PHF20L1: variants seen among roughly 807,000 people sequenced by gnomAD.
PHF20L1 encodes the protein PHD finger protein 20-like protein 1.
Under a neutral mutation model 125.5 loss-of-function variants are expected in PHF20L1, and 44 were observed. The ratio of observed to expected loss-of-function variants is 0.35; its 90% CI spans 0.28 to 0.45. PHF20L1 has a LOEUF of 0.45. Among genes scored for constraint, PHF20L1 ranks in the 20% least tolerant of loss-of-function variants. PHF20L1 has a pLI of 1.00. For missense variants in PHF20L1, 1,012 were observed against 1,217.2 expected, an observed-to-expected ratio of 0.83 and a Z score of 2.51; for synonymous variants, 380 against 403.1, an observed-to-expected ratio of 0.94 and a Z score of 0.69.
At chr8:132,782,784 TTGG>T (rs1159107232) in intron 2 of PHF20L1, among the ~76,000 whole-genome samples, 1 of 151,750 alleles carries the variant, frequency 6.6e-6, no homozygotes, top group Non-Finnish European at 1.5e-5. Context: ...TTTTTTTTTT[TTGG>T]TAGAGAAAGC....
rs764611843 is a variant in PHF20L1 at position 132,817,519 on chromosome 8, A to T, written c.1553A>T (p.Asp518Val). Reference protein sequence around the residue: ...LPNPSSKAIADGRGAPAAAGI... With the variant: ...LPNPSSKAIAVGRGAPAAAGI... ...AATCCTTCTTCCAAAGCAATAGCTG[A>T]TGGAAGAGGAGCTCCAGCAGCAGCA... The change falls in exon 12 of 21, where the codon GAT becomes GTT. Residue 518 changes from aspartate to valine, a missense_variant. Asp to Val is a radical substitution (Grantham distance 152, BLOSUM62 -3). Around this residue, in one of 7 missense-constraint regions of PHF20L1, gnomAD observed 320 missense variants for 293.8 expected, o/e 1.09. Transcript: ENST00000395386. The T allele has an allele frequency of 6.2e-7, 1 of 1,611,718 alleles. No homozygotes were observed. The highest frequency in any genetic ancestry group is 1.7e-5 in the Admixed American group (1 of 59,736).
At position 132,840,439 on chromosome 8, in the gene PHF20L1, A is replaced by G. The variant is rs16904750; in HGVS notation, c.2387+857A>G. Among the ~76,000 whole-genome samples the G allele has an allele frequency of 9.0e-3, 1,374 of 152,212 alleles. 40 individuals are homozygous for G. Among genetic ancestry groups the G allele is most frequent in the East Asian group, 0.087 (452 of 5,176 alleles). Reference sequence around the variant, plus strand: ...CTCTGTGGGTCCAGCCTTGTACTCTATCAGTTCATTCTTTGTACTGCTGCC... The same window carrying G: ...CTCTGTGGGTCCAGCCTTGTACTCTGTCAGTTCATTCTTTGTACTGCTGCC... On this transcript the variant is annotated intron_variant, in intron 18 of 20. Coordinates refer to ENST00000395386, the MANE Select transcript of PHF20L1 (RefSeq NM_016018.5).
chr8:132,799,971 T>G (rs1296323785), intron 6 of PHF20L1: 1 of 151,842 alleles, frequency 6.6e-6, no homozygotes, highest in Non-Finnish European at 1.5e-5. Flanking sequence ...GTGGTGTGAT[T>G]TCTTGGTTAC....
intron 6 of PHF20L1, among the ~76,000 whole-genome samples, chr8:132,802,095 T>C (rs1487530937): frequency 6.6e-6 from 1 of 151,632 alleles, no homozygotes; most frequent in African/African-American, 2.4e-5. Context: ...TGTCTGATTG[T>C]ACTTACTCTT....
chr8:132,829,841 A>G (rs377442078), intron 14 of PHF20L1, among the ~76,000 whole-genome samples: 7 of 152,070 alleles, frequency 4.6e-5, no homozygotes, highest in African/African-American at 1.4e-4. Context: ...TAGCAGTCCT[A>G]CTTCCCTCAT....
At position 132,842,761 on chromosome 8, in the gene PHF20L1, C is replaced by T. The variant is rs1270015320; in HGVS notation, c.2634C>T (p.Asp878=). The T allele has an allele frequency of 6.2e-7, 1 of 1,613,266 alleles. No homozygotes were observed. The highest frequency in any genetic ancestry group is 1.7e-5 in the Admixed American group (1 of 59,880). Residue 878 remains aspartate (D), a synonymous_variant, in exon 19 of 21, where the codon GAC becomes GAT. Coordinates refer to ENST00000395386, the MANE Select transcript of PHF20L1 (RefSeq NM_016018.5). Reference sequence around the variant, plus strand: ...GTCAGGACTGTAAATCTCTCGCAGACCCTGGGAGCTCAGATGATGATGATG... The same window carrying T: ...GTCAGGACTGTAAATCTCTCGCAGATCCTGGGAGCTCAGATGATGATGATG... ...SFGQDCKSLA[D]PGSSDDDDVS...
chr8:132,830,825 C>T (rs1836691718), intron 14 of PHF20L1, among the ~76,000 whole-genome samples: 1 of 152,028 alleles, frequency 6.6e-6, no homozygotes, highest in African/African-American at 2.4e-5. Context: ...TTACAGAGCC[C>T]TCTTCTAAAC....
intron 7 of PHF20L1, 60 bp downstream of exon 7, chr8:132,804,092 C>A: frequency 1.8e-6 from 2 of 1,123,536 alleles, no homozygotes; most frequent in South Asian, 2.7e-5. Flanking sequence ...GTAGTAAAGT[C>A]AAATCCCTTG....
At chr8:132,828,846 A>G (rs1836475183) in intron 14 of PHF20L1, among the ~76,000 whole-genome samples, 2 of 152,104 alleles carry the variant, frequency 1.3e-5, no homozygotes, top group Non-Finnish European at 1.5e-5. Flanking sequence ...AAGTGAAAAG[A>G]GAATTGAAAG....
At chr8:132,819,384 T>C (rs1835330450) in intron 12 of PHF20L1, among the ~76,000 whole-genome samples, 1 of 151,878 alleles carries the variant, frequency 6.6e-6, no homozygotes, top group Admixed American at 6.6e-5. Flanking sequence ...TATTAGAGGG[T>C]TGAACACAGT....
chr8:132,796,825 T>G (rs539916119), intron 4 of PHF20L1, among the ~76,000 whole-genome samples: 1 of 152,088 alleles, frequency 6.6e-6, no homozygotes, highest in Non-Finnish European at 1.5e-5. Context: ...AAGGAAGAAG[T>G]AAAATCTCTT....
intron 10 of PHF20L1, chr8:132,815,118 C>G (rs375908363): frequency 1.0e-4 from 37 of 361,026 alleles, no homozygotes; most frequent in Admixed American, 2.6e-4. Flanking sequence ...AACACAGATT[C>G]CACTGTAGTT....
intron 18 of PHF20L1, chr8:132,841,921 GGAAA>G (rs1837976317): frequency 6.6e-6 from 1 of 152,214 alleles, no homozygotes; most frequent in South Asian, 2.1e-4. Flanking sequence ...TAAAAGTAAG[GGAAA>G]TCTATCTGTA....
chr8:132,812,484 C>T, intron 9 of PHF20L1: 1 of 984,566 alleles, frequency 1.0e-6, no homozygotes, highest in Non-Finnish European at 1.2e-6. Context: ...AATTGTGTAA[C>T]TCGGCTGTTT....
In PHF20L1 at chr8:132,784,230, G is replaced by A. The variant is rs1474907261; in HGVS notation, c.83+6319G>A. Among the ~76,000 whole-genome samples, 7 of 151,796 alleles carry A rather than the reference G, an allele frequency of 4.6e-5. No homozygotes were observed. In the East Asian group the frequency reaches 1.2e-3, roughly 25 times the overall value. ...GTTCTTCCTTTTTTTATGTTAATTC[G>A]TTTTTTATAGAACTCTTTCTGGTTT... On this transcript the variant is annotated intron_variant, in intron 2 of 20. Transcript: ENST00000395386.
intron 2 of PHF20L1, among the ~76,000 whole-genome samples, chr8:132,779,267 G>A (rs955515587): frequency 6.6e-5 from 10 of 152,158 alleles, no homozygotes; most frequent in African/African-American, 2.4e-4. Context: ...TCCTAGTGAC[G>A]ATCAAAATGT....
chr8:132,844,032 C>A (rs1205169568), intron 19 of PHF20L1, 124 bp from the exon 20 acceptor site: 2 of 1,468,964 alleles, frequency 1.4e-6, no homozygotes, highest in Admixed American at 2.5e-5. Flanking sequence ...TTTAAAGATA[C>A]CCCTGGAGTC....
chr8:132,810,071 G>A (rs1834198547), intron 8 of PHF20L1: 1 of 149,648 alleles, frequency 6.7e-6, no homozygotes, highest in Non-Finnish European at 1.5e-5. Context: ...TTGTGGCGGA[G>A]TCTTGCTCTG....
intron 2 of PHF20L1, among the ~76,000 whole-genome samples, chr8:132,785,876 A>G (rs1037458843): frequency 2.0e-5 from 3 of 152,140 alleles, no homozygotes; most frequent in African/African-American, 7.2e-5. Flanking sequence ...TAGGGTACTG[A>G]AGTATAAGCT....
Sources: gnomAD v4.1 joint callset for allele counts (sites outside exome capture counted in the v4.1 genomes callset) on GRCh38, gnomAD v4.1.1 for gene constraint, gnomAD v4.1.1 regional missense constraint, MANE v1.5 for transcripts, NCBI Gene and HGNC (gene_info 2026-07-23, HGNC 2026-07-21) for gene names.